Variants in CAPRIN1 observed in about 807,000 individuals in gnomAD.
CAPRIN1 encodes the protein cell cycle associated protein 1.
Under a neutral mutation model 100.9 loss-of-function variants are expected in CAPRIN1, and 29 were observed. The observed-to-expected ratio is 0.29, with a 90% CI of 0.21 to 0.39. CAPRIN1 has a LOEUF of 0.39. CAPRIN1 is among the 10% of genes least tolerant of loss of function. The pLI, the probability that CAPRIN1 is intolerant of heterozygous loss-of-function variation, is 1.00. For synonymous variants in CAPRIN1, 338 were observed against 307.5 expected (o/e 1.10, Z -1.04); for missense variants, 795 against 876.7 (o/e 0.91, Z 1.18).
At position 34,084,086 on chromosome 11, in the gene CAPRIN1, C is replaced by T. The variant is rs560977267; in HGVS notation, c.966+1045C>T. On this transcript the variant is annotated intron_variant, in intron 9 of 18. Coordinates refer to ENST00000341394, the MANE Select transcript of CAPRIN1 (RefSeq NM_005898.5). ...TCTCAAGAAGAAAAAAACCCATTTT[C>T]CAAAGAGATTGCAAAGTTTTTTTTT... Among the ~76,000 whole-genome samples the T allele has an allele frequency of 2.3e-3, 343 of 152,144 alleles. 1 individual carries two copies. Among genetic ancestry groups the T allele is most frequent in the Non-Finnish European group, 4.2e-3 (286 of 67,974 alleles).
Position 34,059,257 on chromosome 11 carries a change from A to G in CAPRIN1, c.216+6621A>G, listed in dbSNP as rs191320929. ...TTCCCCTGTTACCTATTGTCTGTAC[A>G]CTTCTTGACATTGTTTTTTTTTTTT... On this transcript the variant is annotated intron_variant, in intron 2 of 18. Transcript: ENST00000341394. 9.4e-4 allele frequency among the ~76,000 whole-genome samples: 139 copies of G among 148,398 alleles called. No individual in the cohort carries two copies. The South Asian group carries it at 0.02, about 21-fold the overall frequency.
At chr11:34,094,962 A>G (rs556059581) in intron 15 of CAPRIN1, among the ~76,000 whole-genome samples, 37 of 152,086 alleles carry the variant, frequency 2.4e-4, no homozygotes, top group Admixed American at 1.6e-3. Flanking sequence ...GGCTCACTAC[A>G]ACTTCTTCCT....
At chr11:34,087,231 A>G (rs1023001732) in intron 11 of CAPRIN1, among the ~76,000 whole-genome samples, 1 of 152,236 alleles carries the variant, frequency 6.6e-6, no homozygotes, top group Non-Finnish European at 1.5e-5. Context: ...GTTAAATATC[A>G]TAAAATAAAT....
At chr11:34,092,319 A>G (rs1415601329) in intron 15 of CAPRIN1, among the ~76,000 whole-genome samples, 1 of 151,164 alleles carries the variant, frequency 6.6e-6, no homozygotes, top group East Asian at 1.9e-4. Flanking sequence ...TATAATTTAT[A>G]TGGAATTAAA....
chr11:34,085,934 G>C (rs1458607725), intron 9 of CAPRIN1, 130 bp from the exon 10 acceptor site: 6 of 651,210 alleles, frequency 9.2e-6, no homozygotes, highest in Non-Finnish European at 1.6e-5. Flanking sequence ...AATTCATTTG[G>C]GTAACTGCAT....
chr11:34,084,987 T>G (rs909222735), intron 9 of CAPRIN1, among the ~76,000 whole-genome samples: 12 of 151,982 alleles, frequency 7.9e-5, no homozygotes, highest in African/African-American at 2.9e-4. Context: ...CCACATGAGA[T>G]TCCACGAATT....
chr11:34,087,810 A>T (rs1021832542), intron 11 of CAPRIN1, among the ~76,000 whole-genome samples: 1 of 152,142 alleles, frequency 6.6e-6, no homozygotes, highest in African/African-American at 2.4e-5. Context: ...CTGTAAGGCT[A>T]TTTAGTTATT....
chr11:34,060,827 T>G (rs1476522758), intron 2 of CAPRIN1, among the ~76,000 whole-genome samples: 1 of 152,210 alleles, frequency 6.6e-6, no homozygotes, highest in Non-Finnish European at 1.5e-5. Context: ...CCAAGGAATG[T>G]ATTAATATAA....
chr11:34,082,289 G>T (rs1851048464), intron 7 of CAPRIN1, among the ~76,000 whole-genome samples: 2 of 152,074 alleles, frequency 1.3e-5, no homozygotes, highest in African/African-American at 2.4e-5. Context: ...CCAGGTTCAA[G>T]CGATTCTCCT....
intron 15 of CAPRIN1, among the ~76,000 whole-genome samples, chr11:34,093,653 C>G (rs1051000210): frequency 6.6e-6 from 1 of 152,100 alleles, no homozygotes; most frequent in Non-Finnish European, 1.5e-5. Flanking sequence ...TAGAAGTTAT[C>G]AGTTATACTA....
chr11:34,065,744 TTAAG>T (rs1316835422), intron 2 of CAPRIN1, among the ~76,000 whole-genome samples: 1 of 152,232 alleles, frequency 6.6e-6, no homozygotes. Flanking sequence ...TGCCTTTTAA[TTAAG>T]TTTTTATTGT....
chr11:34,064,807 A>G (rs1850653803), intron 2 of CAPRIN1, among the ~76,000 whole-genome samples: 1 of 152,110 alleles, frequency 6.6e-6, no homozygotes, highest in African/African-American at 2.4e-5. Context: ...ATCATAAACG[A>G]GTGTTCTCTT....
chr11:34,082,450 A>G (rs952496679), intron 7 of CAPRIN1, among the ~76,000 whole-genome samples: 4 of 152,094 alleles, frequency 2.6e-5, no homozygotes, highest in Non-Finnish European at 4.4e-5. Context: ...TGGCCTTCCA[A>G]AGTGCTGGGA....
In CAPRIN1 at chr11:34,092,070, T is replaced by C; in HGVS notation, c.1705+14T>C. On this transcript the variant is annotated intron_variant, in intron 15 of 18. Transcript: ENST00000341394. ...AGCTTCAAACAGGTACGAAATCCAG[T>C]GTCACCTCATTGGCTCCTTGCTTTC... 8 of 1,612,136 alleles carry C rather than the reference T, an allele frequency of 5.0e-6. No individual in the cohort carries two copies. In the South Asian group the frequency reaches 7.7e-5, roughly 16 times the overall value.
chr11:34,092,147 T>A (rs1160529010), intron 15 of CAPRIN1, 91 bp downstream of exon 15: 1 of 1,278,088 alleles, frequency 7.8e-7, no homozygotes, highest in African/African-American at 1.5e-5. Flanking sequence ...AGTGGTGGTG[T>A]CCAAGAGTTT....
rs144300970 is a variant in CAPRIN1, at chr11:34,081,618, C to T, written c.827-1207C>T. On this transcript the variant is annotated intron_variant, in intron 7 of 18. Coordinates refer to ENST00000341394, the MANE Select transcript of CAPRIN1 (RefSeq NM_005898.5). ...AAGCAATTCTCCTGCTTTAGCCTCT[C>T]GAGTAGCTGGGATTACAGGTGCATG... Among the ~76,000 whole-genome samples the T allele has an allele frequency of 4.3e-3, 660 of 152,110 alleles. 6 individuals are homozygous for T. The highest frequency in any genetic ancestry group is 0.015 in the African/African-American group (620 of 41,492).
At chr11:34,088,198 T>C (rs1165726340) in intron 11 of CAPRIN1, among the ~76,000 whole-genome samples, 1 of 152,038 alleles carries the variant, frequency 6.6e-6, no homozygotes, top group Non-Finnish European at 1.5e-5. Context: ...AGAGATGGGG[T>C]TTCACCATGT....
At chr11:34,080,665 A>G (rs577301046) in intron 7 of CAPRIN1, among the ~76,000 whole-genome samples, 1 of 152,376 alleles carries the variant, frequency 6.6e-6, no homozygotes, top group Admixed American at 6.5e-5. Flanking sequence ...ACAAGGAAAC[A>G]TTGGAGCATA....
At chr11:34,072,119 C>T (rs1850813991) in intron 4 of CAPRIN1, 132 bp downstream of exon 4, 1 of 604,402 alleles carries the variant, frequency 1.7e-6, no homozygotes, top group South Asian at 2.3e-5. Context: ...GATGCCTTCA[C>T]ATTCTGTAAA....
Sources: gnomAD v4.1 joint callset for allele counts (sites outside exome capture counted in the v4.1 genomes callset) on GRCh38, gnomAD v4.1.1 for gene constraint, MANE v1.5 for transcripts, NCBI Gene and HGNC (gene_info 2026-07-23, HGNC 2026-07-21) for gene names.